Variants in BACE1 observed in about 807,000 individuals in gnomAD.
BACE1 encodes the protein APP beta-secretase.
BACE1 carries 21 observed loss-of-function variants against 54.0 expected under a neutral mutation model. The observed-to-expected ratio is 0.39, with a 90% CI of 0.28 to 0.56. The LOEUF (loss-of-function observed/expected upper bound fraction) is 0.56. BACE1 is among the 20% of genes least tolerant of loss of function. BACE1 has a pLI of 0.63. For missense variants in BACE1, 511 were observed against 661.2 expected (o/e 0.77, Z 2.49); for synonymous variants, 232 against 260.9 (o/e 0.89, Z 1.07).
Position 117,289,817 on chromosome 11 carries a change from G to A in BACE1, c.1265-10C>T. 5 of 1,609,238 alleles carry A rather than the reference G, an allele frequency of 3.1e-6. No homozygotes were observed. The highest frequency in any genetic ancestry group is 4.3e-6 in the Non-Finnish European group (5 of 1,175,748). ...CTGAACTCATCGTGCACTGGGGAGA[G>A]GGCAAATGTGAATGGACAGCTCTCA... On this transcript the variant is annotated splice_polypyrimidine_tract_variant and intron_variant, in intron 8 of 8. Transcript: ENST00000313005.
chr11:117,312,371 C>T (rs1429079719), intron 1 of BACE1, among the ~76,000 whole-genome samples: 2 of 152,222 alleles, frequency 1.3e-5, no homozygotes, highest in Non-Finnish European at 1.5e-5. Flanking sequence ...ATGCTCAGAG[C>T]ACATGTCCCT....
Position 117,315,471 on chromosome 11 carries a change from T to A in BACE1, c.261+64A>T, listed in dbSNP as rs2035084219. 1.3e-6 allele frequency: 2 copies of A among 1,541,354 alleles called. No homozygotes were observed. The highest frequency in any genetic ancestry group is 1.7e-6 in the Non-Finnish European group (2 of 1,150,996). On this transcript the variant is annotated intron_variant, in intron 1 of 8. Transcript: ENST00000313005. The surrounding 1 kb of genome is among the most constrained non-coding windows in gnomAD (Gnocchi z 5.5). ...TTTGAGCAGGGGCTAGCTTGAGGCATCCCCATCCTGTCTCCCCTCTGCTCA... is the reference window on the plus strand; with the variant it reads ...TTTGAGCAGGGGCTAGCTTGAGGCAACCCCATCCTGTCTCCCCTCTGCTCA...
chr11:117,287,977 G>C lies in BACE1; in HGVS notation c.*1589C>G, dbSNP rs1016436017. The C allele has an allele frequency of 1.3e-5, 2 of 152,618 alleles. No homozygotes were observed. Among genetic ancestry groups the C allele is most frequent in the Non-Finnish European group, 2.9e-5 (2 of 68,042 alleles). 9.5% of individuals were successfully genotyped at this position (152,618 alleles called of 1,614,324 possible). The stretch of plus-strand genomic sequence containing the variant: ...TGACCAGGTAGGAGTAGGATGCAGT[G>C]GGTATACTAGGAAAACCCAGCTCTT... On this transcript the variant is annotated 3_prime_UTR_variant, in exon 9 of 9. Coordinates refer to ENST00000313005, the MANE Select transcript of BACE1 (RefSeq NM_012104.6).
At position 117,288,824 on chromosome 11, in the gene BACE1, CAGAAA is replaced by C. The variant is rs1184234714; in HGVS notation, c.*737_*741del. The C allele has an allele frequency of 1.3e-5, 2 of 152,174 alleles. No homozygotes were observed. Among genetic ancestry groups the C allele is most frequent in the Non-Finnish European group, 2.9e-5 (2 of 68,042 alleles). 9.4% of individuals were successfully genotyped at this position (152,174 alleles called of 1,614,324 possible). ...CTCACTTTTGGTCAGGCTGCAACCA[CAGAAA>C]AGAAAACATTGAAAACAACACCCAT... On this transcript the variant is annotated 3_prime_UTR_variant, in exon 9 of 9. Transcript: ENST00000313005.
At chr11:117,295,656 G>T (rs1219404067) in intron 2 of BACE1, 12 of 1,525,368 alleles carry the variant, frequency 7.9e-6, no homozygotes, top group East Asian at 2.5e-5. Flanking sequence ...TGCTGCTGCT[G>T]CAGGGACAGC....
At chr11:117,305,946 G>T (rs2034824630) in intron 1 of BACE1, among the ~76,000 whole-genome samples, 1 of 152,162 alleles carries the variant, frequency 6.6e-6, no homozygotes, top group African/African-American at 2.4e-5. Context: ...TGAAGCAGGA[G>T]AATGGCGTGA....
At chr11:117,291,645 A>G in intron 6 of BACE1, 67 bp downstream of exon 6, 2 of 1,167,532 alleles carry the variant, frequency 1.7e-6, no homozygotes, top group Non-Finnish European at 2.6e-6. Context: ...TTGCTGAAGA[A>G]TGTGACTCTC....
At chr11:117,294,157 G>C in intron 3 of BACE1, 149 bp from the exon 4 acceptor site, 1 of 789,728 alleles carries the variant, frequency 1.3e-6, no homozygotes, top group African/African-American at 1.8e-5. Context: ...GCAGAGGAAG[G>C]GTTAGCAGGA....
At position 117,286,354 on chromosome 11, in the gene BACE1, C is replaced by G. The variant is rs2034260087; in HGVS notation, c.*3212G>C. On this transcript the variant is annotated 3_prime_UTR_variant, in exon 9 of 9. Coordinates refer to ENST00000313005, the MANE Select transcript of BACE1 (RefSeq NM_012104.6). ...GGTTTTATACCTGGGAAAGCTGTGA[C>G]TCTATTAGAGCTTTGAATCTTTTCC... 6.6e-6 allele frequency: 1 copy of G among 152,200 alleles called. No homozygotes were observed. Among genetic ancestry groups the G allele is most frequent in the South Asian group, 2.1e-4 (1 of 4,834 alleles). The allele number at this position is 152,200 out of a possible 1,614,324, so 9.4% of individuals were successfully genotyped here.
In BACE1 at chr11:117,315,852, C is replaced by T. The variant is rs1385091872; in HGVS notation, c.-57G>A. Reference sequence around the variant, plus strand: ...CGCACTGGCCCACGTCCGTCCCTGGCGCCTGCCCCCAAGTCTGGGTGGTGC... The same window carrying T: ...CGCACTGGCCCACGTCCGTCCCTGGTGCCTGCCCCCAAGTCTGGGTGGTGC... On this transcript the variant is annotated 5_prime_UTR_variant, in exon 1 of 9. Coordinates refer to ENST00000313005, the MANE Select transcript of BACE1 (RefSeq NM_012104.6). This position sits in a 1 kb window ranked among gnomAD's most constrained non-coding sequence, Gnocchi z 5.5. 7.3e-5 allele frequency: 100 copies of T among 1,365,980 alleles called. No individual in the cohort carries two copies. The highest frequency in any genetic ancestry group is 8.6e-5 in the Non-Finnish European group (92 of 1,066,820). The allele number at this position is 1,365,980 out of a possible 1,614,324, so 84.6% of individuals were successfully genotyped here.
intron 1 of BACE1, among the ~76,000 whole-genome samples, chr11:117,304,249 T>C (rs1007558109): frequency 1.2e-4 from 18 of 152,168 alleles, no homozygotes; most frequent in African/African-American, 4.3e-4. Context: ...CTTGCCTCCT[T>C]CCAAATGAAA....
At chr11:117,294,219 CTTTT>C in intron 3 of BACE1, 9 of 277,356 alleles carry the variant, frequency 3.2e-5, no homozygotes, top group South Asian at 9.2e-5. Flanking sequence ...ATTCATAGAT[CTTTT>C]TTTTTTTTTT....
Position 117,315,937 on chromosome 11 carries a change from TGGGCCAGCCCCC to T in BACE1, c.-154_-143del. On this transcript the variant is annotated 5_prime_UTR_variant, in exon 1 of 9. Transcript: ENST00000313005. The surrounding 1 kb of genome is among the most constrained non-coding windows in gnomAD (Gnocchi z 5.5). ...CAGGACGCCAGGGCCTGCAGGGCCC[TGGGCCAGCCCCC>T]GGGTCCGGGCTGTGGAGAGCGGTCA... is the stretch of plus-strand genomic sequence containing the variant. The T allele has an allele frequency of 2.1e-6, 2 of 945,864 alleles. No individual in the cohort carries two copies. The highest frequency in any genetic ancestry group is 2.9e-6 in the Non-Finnish European group (2 of 693,874). The allele number at this position is 945,864 out of a possible 1,614,324, so 58.6% of individuals were successfully genotyped here.
intron 1 of BACE1, among the ~76,000 whole-genome samples, chr11:117,306,673 T>A (rs1440361723): frequency 6.6e-6 from 1 of 151,996 alleles, no homozygotes; most frequent in Non-Finnish European, 1.5e-5. Flanking sequence ...TAGCCGGGTG[T>A]GGTTGTGCGT....
At chr11:117,294,680 T>G (rs565459382) in intron 3 of BACE1, among the ~76,000 whole-genome samples, 1 of 151,594 alleles carries the variant, frequency 6.6e-6, no homozygotes, top group East Asian at 2.0e-4. Flanking sequence ...GGTCAGGAGT[T>G]CGAGACCAGC....
intron 1 of BACE1, among the ~76,000 whole-genome samples, chr11:117,310,091 T>A (rs1412792819): frequency 6.6e-6 from 1 of 151,980 alleles, no homozygotes; most frequent in Non-Finnish European, 1.5e-5. Flanking sequence ...GAATTTTTAG[T>A]AGAGATGGGG....
chr11:117,291,645 A>T, intron 6 of BACE1, 67 bp downstream of exon 6: 1 of 1,167,532 alleles, frequency 8.6e-7, no homozygotes, highest in Non-Finnish European at 1.3e-6. Flanking sequence ...TTGCTGAAGA[A>T]TGTGACTCTC....
chr11:117,299,528 C>A (rs551734704), intron 1 of BACE1: 2 of 290,878 alleles, frequency 6.9e-6, no homozygotes, highest in Admixed American at 5.6e-5. Flanking sequence ...TCCTGGCCTC[C>A]TCACATCCCC....
chr11:117,301,007 CTG>C (rs1491337882), intron 1 of BACE1, among the ~76,000 whole-genome samples: 1 of 152,204 alleles, frequency 6.6e-6, no homozygotes, highest in Non-Finnish European at 1.5e-5. Flanking sequence ...CATTCTAAAA[CTG>C]GGTTTCGCCT....
Sources: allele counts gnomAD v4.1 joint callset (sites outside exome capture counted in the v4.1 genomes callset), GRCh38; gene constraint gnomAD v4.1.1; non-coding constraint Gnocchi (gnomAD v3.1); transcripts MANE v1.5; gene names NCBI Gene and HGNC (gene_info 2026-07-23, HGNC 2026-07-21).